MESD: variants seen among roughly 807,000 people sequenced by gnomAD.
The protein encoded by MESD is LRP chaperone MESD.
A neutral mutation model predicts 12.9 loss-of-function variants in MESD; 7 were observed. The ratio of observed to expected loss-of-function variants is 0.54; its 90% CI spans 0.31 to 1.02. The LOEUF (loss-of-function observed/expected upper bound fraction) is 1.02. Among genes scored for constraint, MESD ranks in the 50% least tolerant of loss-of-function variants. The pLI, the probability that MESD is intolerant of heterozygous loss-of-function variation, is 0.05. For synonymous variants in MESD, 126 were observed against 115.6 expected, an observed-to-expected ratio of 1.09 and a Z score of -0.58; for missense variants, 342 against 296.7, an observed-to-expected ratio of 1.15 and a Z score of -1.12.
At chr15:80,955,188 A>G (rs1409247966) in intron 3 of MESD, among the ~76,000 whole-genome samples, 2 of 151,998 alleles carry the variant, frequency 1.3e-5, no homozygotes, top group African/African-American at 2.4e-5. Context: ...GGAGCTGGTT[A>G]GAAATGCCCA....
intron 1 of MESD, among the ~76,000 whole-genome samples, chr15:80,982,705 G>C (rs1294488627): frequency 6.6e-6 from 1 of 152,176 alleles, no homozygotes; most frequent in Non-Finnish European, 1.5e-5. Flanking sequence ...ACTGAGAATG[G>C]ACACAAGAGA....
At chr15:80,984,917 G>A (rs1201972000) in intron 1 of MESD, among the ~76,000 whole-genome samples, 2 of 152,236 alleles carry the variant, frequency 1.3e-5, no homozygotes, top group African/African-American at 4.8e-5. Context: ...CGCAGTGCTT[G>A]AAGGTGATCC....
At chr15:80,962,073 A>C (rs1271011930) in intron 3 of MESD, among the ~76,000 whole-genome samples, 4 of 152,372 alleles carry the variant, frequency 2.6e-5, no homozygotes, top group Middle Eastern at 3.4e-3. Context: ...AAGACCCATC[A>C]GTGTGCTGTA....
intron 4 of MESD, chr15:80,951,422 T>C (rs1301576385): frequency 6.6e-6 from 1 of 152,612 alleles, no homozygotes; most frequent in Non-Finnish European, 1.5e-5. Context: ...TTGTTATTTC[T>C]GTTTGTAAGA....
intron 3 of MESD, among the ~76,000 whole-genome samples, chr15:80,953,341 C>T (rs955694082): frequency 3.3e-5 from 5 of 152,162 alleles, no homozygotes; most frequent in African/African-American, 4.8e-5. Context: ...GGAAAGCAGA[C>T]GCCAACGAGG....
chr15:80,946,804 C>T, downstream of MESD: 1 of 676,056 alleles, frequency 1.5e-6, no homozygotes, highest in Non-Finnish European at 2.7e-6. Flanking sequence ...AAGAGCCCGT[C>T]AGCTCAGAAC....
Position 80,979,209 on chromosome 15 carries a change from T to G in MESD, c.*10A>C. The G allele has an allele frequency of 6.2e-7, 1 of 1,611,854 alleles. No homozygotes were observed. The highest frequency in any genetic ancestry group is 1.3e-5 in the African/African-American group (1 of 74,866). On this transcript the variant is annotated 3_prime_UTR_variant, in exon 3 of 3. Transcript: ENST00000261758. ...CACCTGTCCCCCCACAGCGCGTCACTGCTGCCCCATCACAGGTCTTCTCTT... is the reference window on the plus strand; with the variant it reads ...CACCTGTCCCCCCACAGCGCGTCACGGCTGCCCCATCACAGGTCTTCTCTT...
At chr15:80,967,628 G>C (rs1902199872) in intron 3 of MESD, among the ~76,000 whole-genome samples, 1 of 152,174 alleles carries the variant, frequency 6.6e-6, no homozygotes, top group South Asian at 2.1e-4. Flanking sequence ...GCTCTCTCCT[G>C]CAGGAAGAAT....
downstream of MESD, among the ~76,000 whole-genome samples, chr15:80,972,570 G>T (rs377682514): frequency 6.6e-6 from 1 of 152,220 alleles, no homozygotes; most frequent in Non-Finnish European, 1.5e-5. Context: ...GTGAGGCAGA[G>T]ATTGGACTCA....
Position 80,989,622 on chromosome 15 carries a change from T to C in MESD, c.170A>G (p.Asp57Gly). 1 of 1,614,018 alleles carries C rather than the reference T, an allele frequency of 6.2e-7. No homozygotes were observed. The highest frequency in any genetic ancestry group is 8.5e-7 in the Non-Finnish European group (1 of 1,180,010). Residue 57 changes from aspartate to glycine, a missense_variant, in exon 1 of 3, where the codon GAT (aspartate) becomes GGT (glycine). By Grantham distance (94) the Asp-to-Gly change is moderately conservative. Transcript: ENST00000261758. The stretch of plus-strand genomic sequence containing the variant: ...ACGCGCCATGTCTGCATCATTGTAA[T>C]CGCGAATATCCTTCTTCTTCTTCCG... ...PPRKKKKDIR[D>G]YNDADMARLL...
chr15:80,956,161 G>C (rs8029453), intron 3 of MESD, among the ~76,000 whole-genome samples: 2,138 of 152,148 alleles, frequency 0.014, 48 homozygotes, highest in African/African-American at 0.049. Flanking sequence ...CTACACTCCA[G>C]CCTGGGTGAC....
chr15:80,951,310 T>A (rs1286221144), intron 4 of MESD: 1 of 152,640 alleles, frequency 6.6e-6, no homozygotes, highest in Non-Finnish European at 1.5e-5. Context: ...CAGTACAGGA[T>A]CTGTACATAA....
At chr15:80,955,280 T>TC (rs1387480425) in intron 3 of MESD, among the ~76,000 whole-genome samples, 1 of 146,866 alleles carries the variant, frequency 6.8e-6, no homozygotes, top group Non-Finnish European at 1.5e-5. Flanking sequence ...GGTCAGGAGA[T>TC]CGAGACCATC....
At chr15:80,958,498 T>A (rs1051206860) in intron 3 of MESD, among the ~76,000 whole-genome samples, 6 of 152,078 alleles carry the variant, frequency 3.9e-5, no homozygotes, top group African/African-American at 1.4e-4. Flanking sequence ...ACTCAACTAA[T>A]TTTTTCTATT....
At chr15:80,989,445 GGTCA>G in intron 1 of MESD, 130 bp downstream of exon 1, 13 of 1,078,054 alleles carry the variant, frequency 1.2e-5, no homozygotes, top group Non-Finnish European at 1.6e-5. Context: ...GGCTTCAGTG[GGTCA>G]GTAAGGATTC....
downstream of MESD, among the ~76,000 whole-genome samples, chr15:80,972,991 C>T (rs556444741): frequency 5.9e-5 from 9 of 152,234 alleles, no homozygotes; most frequent in African/African-American, 1.7e-4. Flanking sequence ...CACTGCACTC[C>T]AGTCTGGGCA....
At chr15:80,949,327 T>C (rs1901717310) in intron 4 of MESD, 4 of 341,008 alleles carry the variant, frequency 1.2e-5, no homozygotes, top group Non-Finnish European at 5.8e-6. Flanking sequence ...CAGATCCCCA[T>C]GGTCTTCAGC....
At chr15:80,981,189 G>A (rs1198105897) in intron 2 of MESD, among the ~76,000 whole-genome samples, 2 of 151,790 alleles carry the variant, frequency 1.3e-5, no homozygotes, top group Non-Finnish European at 2.9e-5. Context: ...TGTAATCCTA[G>A]CACTTTGGGA....
intron 3 of MESD, among the ~76,000 whole-genome samples, chr15:80,960,772 T>C (rs1179989871): frequency 6.6e-6 from 1 of 152,218 alleles, no homozygotes; most frequent in Non-Finnish European, 1.5e-5. Flanking sequence ...TTTGGGTGTC[T>C]AGTCATCTTC....
Sources: allele counts gnomAD v4.1 joint callset (sites outside exome capture counted in the v4.1 genomes callset), GRCh38; gene constraint gnomAD v4.1.1; transcripts MANE v1.5; gene names NCBI Gene and HGNC (gene_info 2026-07-23, HGNC 2026-07-21).